The following PHACTR1 variants were observed in gnomAD, a reference collection of about 807,000 sequenced individuals.
PHACTR1 encodes the protein phosphatase and actin regulator 1.
A neutral mutation model predicts 69.2 loss-of-function variants in PHACTR1; 16 were observed. The ratio of observed to expected loss-of-function variants is 0.23; its 90% CI spans 0.16 to 0.35. The LOEUF (loss-of-function observed/expected upper bound fraction) is 0.35, where lower values mean the gene tolerates loss of function less well. PHACTR1 is among the 10% of genes least tolerant of loss of function. The pLI is 1.00. For missense variants in PHACTR1, 510 were observed against 734.7 expected, an observed-to-expected ratio of 0.69 and a Z score of 3.54; for synonymous variants, 312 against 284.5, an observed-to-expected ratio of 1.10 and a Z score of -0.97.
Position 13,283,341 on chromosome 6 carries a change from C to A in PHACTR1, c.1510-81C>A. On this transcript the variant is annotated intron_variant, in intron 12 of 14. Coordinates refer to ENST00000332995, the MANE Select transcript of PHACTR1 (RefSeq NM_030948.6). This position sits in a 1 kb window ranked among gnomAD's most constrained non-coding sequence, Gnocchi z 4.7. The stretch of plus-strand genomic sequence containing the variant: ...TCGCCTCACTGAACCTTATTTTCCA[C>A]ACCTGCAAGTTCACAGACAGGACCA... 6.8e-7 allele frequency: 1 copy of A among 1,481,222 alleles called. No individual in the cohort carries two copies. The allele number at this position is 1,481,222 out of a possible 1,614,324, so 91.8% of individuals were successfully genotyped here. A position where few individuals can be genotyped will look rare whatever the true frequency, so the allele number is the denominator to read the frequency against.
intron 7 of PHACTR1, among the ~76,000 whole-genome samples, chr6:13,200,017 T>G (rs989766337): frequency 6.6e-6 from 1 of 152,214 alleles, no homozygotes; most frequent in Non-Finnish European, 1.5e-5. Context: ...TTTTACATGT[T>G]GGGAGCATAG....
At chr6:12,958,180 C>G in intron 4 of PHACTR1, 2 of 376,976 alleles carry the variant, frequency 5.3e-6, no homozygotes, top group Non-Finnish European at 7.3e-6. Flanking sequence ...TTGAAATCCT[C>G]GGGCCGGGTT....
chr6:13,037,860 G>A (rs1029938713), intron 4 of PHACTR1, among the ~76,000 whole-genome samples: 15 of 152,190 alleles, frequency 9.9e-5, no homozygotes, highest in African/African-American at 2.9e-4. Flanking sequence ...GGAAGAGTTG[G>A]CAAATAGTTA....
At position 13,266,807 on chromosome 6, in the gene PHACTR1, T is replaced by C. The variant is rs1274699602; in HGVS notation, c.1392-6053T>C. The stretch of plus-strand genomic sequence containing the variant: ...AACCGTTCATGAAAAACTACCCCCA[T>C]GATCCAATCATGTCCCACCAGGCTC... On this transcript the variant is annotated intron_variant, in intron 10 of 14. Transcript: ENST00000332995. 3.3e-5 allele frequency: 5 copies of C among 152,370 alleles called. No individual in the cohort carries two copies. The East Asian group carries it at 7.7e-4, about 23-fold the overall frequency. 9.4% of individuals were successfully genotyped at this position (152,370 alleles called of 1,614,324 possible). A position where few individuals can be genotyped will look rare whatever the true frequency, so the allele number is the denominator to read the frequency against.
intron 5 of PHACTR1, 122 bp downstream of exon 5, chr6:13,053,651 A>G: frequency 2.4e-6 from 3 of 1,230,192 alleles, no homozygotes; most frequent in East Asian, 2.6e-5. Flanking sequence ...AAGCCTTGGA[A>G]TGGCTCTTGT....
chr6:12,955,133 A>T (rs57008197), intron 4 of PHACTR1, among the ~76,000 whole-genome samples: 2,076 of 151,668 alleles, frequency 0.014, 39 homozygotes, highest in African/African-American at 0.047. Context: ...CCCTTAAAAA[A>T]TTTTAATATG....
chr6:12,734,271 T>A (rs1763950881), intron 3 of PHACTR1, among the ~76,000 whole-genome samples: 1 of 152,226 alleles, frequency 6.6e-6, no homozygotes, highest in Non-Finnish European at 1.5e-5. Context: ...CTAACTTTTT[T>A]ACAAGGTCTA....
intron 4 of PHACTR1, among the ~76,000 whole-genome samples, chr6:12,877,104 A>G (rs1460872827): frequency 6.6e-6 from 1 of 152,210 alleles, no homozygotes; most frequent in Non-Finnish European, 1.5e-5. Flanking sequence ...ATCTCGTCCC[A>G]ATGCACCCTC....
chr6:13,080,329 A>G (rs1811176923), intron 5 of PHACTR1, among the ~76,000 whole-genome samples: 1 of 152,322 alleles, frequency 6.6e-6, no homozygotes, highest in East Asian at 1.9e-4. Flanking sequence ...TAATAAGCCT[A>G]GAGTCTTGTT....
chr6:13,069,329 C>A (rs907501187), intron 5 of PHACTR1, among the ~76,000 whole-genome samples: 2 of 152,160 alleles, frequency 1.3e-5, no homozygotes, highest in Admixed American at 6.5e-5. Flanking sequence ...AGTGCCATTT[C>A]TTTCACCAAT....
At chr6:12,739,791 C>T (rs1242542269) in intron 3 of PHACTR1, among the ~76,000 whole-genome samples, 1 of 152,194 alleles carries the variant, frequency 6.6e-6, no homozygotes, top group East Asian at 1.9e-4. Context: ...CTGCCATAGC[C>T]TCCCAAAGTA....
At chr6:13,070,545 G>A (rs1044534408) in intron 5 of PHACTR1, among the ~76,000 whole-genome samples, 2 of 152,134 alleles carry the variant, frequency 1.3e-5, no homozygotes, top group African/African-American at 4.8e-5. Flanking sequence ...TAGAGGATTG[G>A]AATTGCAAGG....
intron 4 of PHACTR1, among the ~76,000 whole-genome samples, chr6:12,779,717 TG>T (rs1770573153): frequency 6.6e-6 from 1 of 152,194 alleles, no homozygotes; most frequent in South Asian, 2.1e-4. Context: ...GCTATTTTCT[TG>T]TTATGCCATA....
At chr6:12,840,979 A>G (rs1241162415) in intron 4 of PHACTR1, among the ~76,000 whole-genome samples, 1 of 152,220 alleles carries the variant, frequency 6.6e-6, no homozygotes, top group Non-Finnish European at 1.5e-5. Context: ...ACAACCTTAA[A>G]TAGGAGTCTA....
chr6:13,261,330 C>T (rs184763838), intron 10 of PHACTR1, among the ~76,000 whole-genome samples: 33 of 152,158 alleles, frequency 2.2e-4, no homozygotes, highest in African/African-American at 6.7e-4. Context: ...AGGAAAGAAC[C>T]AAGAAAGAGG....
chr6:13,133,994 C>T (rs75814076), intron 5 of PHACTR1, among the ~76,000 whole-genome samples: 2 of 151,852 alleles, frequency 1.3e-5, no homozygotes, highest in African/African-American at 2.4e-5. Flanking sequence ...GCGACTCCGT[C>T]TGGGAACTGA....
chr6:13,009,310 C>T (rs752827931), intron 4 of PHACTR1, among the ~76,000 whole-genome samples: 12 of 151,952 alleles, frequency 7.9e-5, no homozygotes, highest in Non-Finnish European at 1.5e-4. Context: ...TGGATAGGAA[C>T]AGGAAAGGAC....
chr6:12,870,146 TC>T (rs1431713907), intron 4 of PHACTR1, among the ~76,000 whole-genome samples: 1 of 151,988 alleles, frequency 6.6e-6, no homozygotes, highest in East Asian at 1.9e-4. Flanking sequence ...CTCCAATGCT[TC>T]CCCTGTATCA....
At chr6:12,985,772 A>AT (rs947976575) in intron 4 of PHACTR1, among the ~76,000 whole-genome samples, 13 of 152,020 alleles carry the variant, frequency 8.6e-5, no homozygotes, top group Admixed American at 2.6e-4. Context: ...TAAACATAAT[A>AT]TTAAGGGAAA....
Sources: allele counts gnomAD v4.1 joint callset (sites outside exome capture counted in the v4.1 genomes callset), GRCh38; gene constraint gnomAD v4.1.1; non-coding constraint Gnocchi (gnomAD v3.1); transcripts MANE v1.5; gene names NCBI Gene and HGNC (gene_info 2026-07-23, HGNC 2026-07-21).